The following HMGA2 variants were observed in gnomAD, a reference collection of about 807,000 sequenced individuals.
HMGA2 encodes high mobility group protein HMGI-C.
A neutral mutation model predicts 19.1 loss-of-function variants in HMGA2; 8 were observed. The ratio of observed to expected loss-of-function variants is 0.42; its 90% CI spans 0.25 to 0.76. HMGA2 has a LOEUF of 0.76. HMGA2 is among the 30% of genes least tolerant of loss of function. The pLI is 0.28. For missense variants in HMGA2, 109 were observed against 136.3 expected (o/e 0.80, Z 1.00); for synonymous variants, 60 against 48.8 (o/e 1.23, Z -0.96).
intron 3 of HMGA2, among the ~76,000 whole-genome samples, chr12:65,854,633 A>G (rs1258236053): frequency 2.6e-5 from 4 of 152,208 alleles, no homozygotes; most frequent in Admixed American, 2.6e-4. Context: ...TTACATAGGT[A>G]AATGTGTGCC....
At chr12:65,915,419 G>T (rs1875063283) in intron 3 of HMGA2, 2 of 1,270,294 alleles carry the variant, frequency 1.6e-6, no homozygotes, top group South Asian at 3.2e-5. Context: ...TTAGAGAGTA[G>T]AGGGTGGGCT....
At chr12:65,940,988 A>C (rs909495476) in intron 3 of HMGA2, among the ~76,000 whole-genome samples, 2 of 152,252 alleles carry the variant, frequency 1.3e-5, no homozygotes, top group African/African-American at 4.8e-5. Flanking sequence ...TTGAAATGAA[A>C]GAATGTTTGA....
chr12:65,892,493 A>T (rs549826711), intron 3 of HMGA2, among the ~76,000 whole-genome samples: 1 of 152,062 alleles, frequency 6.6e-6, no homozygotes, highest in Admixed American at 6.5e-5. Context: ...CAGGTTTTTC[A>T]TTTACTCCTA....
At chr12:65,855,212 T>G (rs118049771) in intron 3 of HMGA2, among the ~76,000 whole-genome samples, 2,812 of 152,272 alleles carry the variant, frequency 0.018, 44 homozygotes, top group Middle Eastern at 0.037. Context: ...TTCACATAGA[T>G]TTTAAATGTC....
intron 3 of HMGA2, chr12:65,842,784 T>C (rs1871057163): frequency 7.3e-7 from 1 of 1,375,408 alleles, no homozygotes; most frequent in East Asian, 2.6e-5. Flanking sequence ...CATTTAATTA[T>C]TTGCATTTTT....
intron 3 of HMGA2, among the ~76,000 whole-genome samples, chr12:65,848,969 G>A (rs1871342635): frequency 6.6e-6 from 1 of 152,204 alleles, no homozygotes. Context: ...AGTGCAGGAA[G>A]CACTAAATCC....
chr12:65,915,134 G>A, intron 3 of HMGA2: 1 of 1,613,592 alleles, frequency 6.2e-7, no homozygotes, highest in Non-Finnish European at 8.5e-7. Flanking sequence ...TCACTGAATT[G>A]TCATTGGAGG....
intron 3 of HMGA2, among the ~76,000 whole-genome samples, chr12:65,903,017 T>C (rs1055469456): frequency 4.6e-5 from 7 of 152,180 alleles, no homozygotes; most frequent in Non-Finnish European, 8.8e-5. Context: ...AGAAAGAGAA[T>C]ACATTATTCG....
intron 4 of HMGA2, chr12:65,957,885 T>C (rs1485347691): frequency 3.3e-5 from 5 of 152,242 alleles, no homozygotes; most frequent in Non-Finnish European, 7.3e-5. Context: ...CCTTCTTTAA[T>C]AGTTTTTTTC....
In HMGA2 at chr12:65,912,652, A is replaced by C. The variant is rs577252158; in HGVS notation, c.250-38731A>C. Among the ~76,000 whole-genome samples, 301 of 152,292 alleles carry C rather than the reference A, an allele frequency of 2.0e-3. 1 individual carries two copies. The highest frequency in any genetic ancestry group is 1.6e-3 in the Non-Finnish European group (109 of 68,014). ...CAACCTGAGGAGGTATTGTTCACAG[A>C]CAGCCAACACTCAGAATGTGATTGA... On this transcript the variant is annotated intron_variant, in intron 3 of 4. Coordinates refer to ENST00000403681, the MANE Select transcript of HMGA2 (RefSeq NM_003483.6).
rs979799468 is a variant in HMGA2, at chr12:65,825,541, C to T, written c.111+160C>T. Among the ~76,000 whole-genome samples, 6 of 150,410 alleles carry T rather than the reference C, an allele frequency of 4.0e-5. No individual in the cohort carries two copies. Among genetic ancestry groups the T allele is most frequent in the Admixed American group, 4.0e-4 (6 of 15,096 alleles). On this transcript the variant is annotated intron_variant, in intron 1 of 4. Transcript: ENST00000403681. This position sits in a 1 kb window ranked among gnomAD's most constrained non-coding sequence, Gnocchi z 4.4. ...GAGCGGCGCAGACCCCACGAGTGCGCCGCGCGGCCCCGGGGCGCCAGCAAC... is the reference window on the plus strand; with the variant it reads ...GAGCGGCGCAGACCCCACGAGTGCGTCGCGCGGCCCCGGGGCGCCAGCAAC...
intron 3 of HMGA2, chr12:65,948,316 A>C (rs1219548157): frequency 1.3e-5 from 2 of 152,256 alleles, no homozygotes; most frequent in Non-Finnish European, 2.9e-5. Context: ...TTCAGGTCTT[A>C]TAAAACTCTA....
At chr12:65,914,386 C>T (rs1001129740) in intron 3 of HMGA2, among the ~76,000 whole-genome samples, 10 of 151,106 alleles carry the variant, frequency 6.6e-5, no homozygotes, top group South Asian at 2.1e-4. Flanking sequence ...AGTAAACTAT[C>T]GCAAGAACAA....
At chr12:65,842,628 A>C (rs1350037160) in intron 3 of HMGA2, 4 of 1,535,464 alleles carry the variant, frequency 2.6e-6, no homozygotes, top group Non-Finnish European at 3.5e-6. Flanking sequence ...CCTTTCTTCC[A>C]ATAGCAGAGA....
chr12:65,958,793 G>A (rs897345335), intron 4 of HMGA2: 5 of 151,666 alleles, frequency 3.3e-5, no homozygotes, highest in African/African-American at 4.9e-5. Flanking sequence ...CTTAAATTAC[G>A]TATGTATTTC....
intron 3 of HMGA2, among the ~76,000 whole-genome samples, chr12:65,913,901 T>C (rs1874955833): frequency 6.6e-6 from 1 of 152,224 alleles, no homozygotes; most frequent in African/African-American, 2.4e-5. Flanking sequence ...CAGTTCACTA[T>C]TTCCTGGCAC....
chr12:65,861,762 G>A (rs1238274877), intron 3 of HMGA2, among the ~76,000 whole-genome samples: 1 of 149,564 alleles, frequency 6.7e-6, no homozygotes, highest in Non-Finnish European at 1.5e-5. Flanking sequence ...TTTTCTCTCT[G>A]TGAACTGGCT....
At chr12:65,908,741 G>A (rs549879515) in intron 3 of HMGA2, among the ~76,000 whole-genome samples, 1 of 152,278 alleles carries the variant, frequency 6.6e-6, no homozygotes, top group Non-Finnish European at 1.5e-5. Flanking sequence ...TAGTAAGAAC[G>A]TTTATTCTGC....
At chr12:65,858,128 T>C (rs999442390) in intron 3 of HMGA2, 6 of 152,728 alleles carry the variant, frequency 3.9e-5, no homozygotes, top group African/African-American at 1.4e-4. Flanking sequence ...TTTGCTGAGG[T>C]CGTTACTGCT....
Sources: gnomAD v4.1 joint callset for allele counts (sites outside exome capture counted in the v4.1 genomes callset) on GRCh38, gnomAD v4.1.1 for gene constraint, Gnocchi (gnomAD v3.1) non-coding constraint, MANE v1.5 for transcripts, NCBI Gene and HGNC (gene_info 2026-07-23, HGNC 2026-07-21) for gene names.